RNF115: variants seen among roughly 807,000 people sequenced by gnomAD.
RNF115 encodes E3 ubiquitin-protein ligase RNF115.
A neutral mutation model predicts 39.2 loss-of-function variants in RNF115; 31 were observed. That is an observed-to-expected ratio of 0.79 (90% confidence interval 0.59 to 1.07). The LOEUF (loss-of-function observed/expected upper bound fraction) is 1.07, where lower values mean the gene tolerates loss of function less well. Ranked by LOEUF, RNF115 falls within the 50% of genes least tolerant of loss-of-function variation. RNF115 has a pLI of 0.00. For synonymous variants in RNF115, 124 were observed against 131.0 expected, an observed-to-expected ratio of 0.95 and a Z score of 0.37; for missense variants, 384 against 381.7, an observed-to-expected ratio of 1.01 and a Z score of -0.05.
At chr1:145,789,304 T>C (rs1571755901) in intron 1 of RNF115, among the ~76,000 whole-genome samples, 2 of 152,182 alleles carry the variant, frequency 1.3e-5, no homozygotes, top group East Asian at 3.8e-4. Flanking sequence ...TCTTGCTATG[T>C]TGCCCAAGCT....
chr1:145,788,304 G>A (rs1331521745), intron 2 of RNF115, among the ~76,000 whole-genome samples: 2 of 152,078 alleles, frequency 1.3e-5, no homozygotes, highest in Non-Finnish European at 2.9e-5. Context: ...CTGGTCTTGA[G>A]CTCCTGACCT....
intron 1 of RNF115, among the ~76,000 whole-genome samples, chr1:145,799,634 T>G: frequency 1.3e-5 from 2 of 151,276 alleles, no homozygotes; most frequent in South Asian, 2.1e-4. Flanking sequence ...GTGGGAAGGG[T>G]CTTGCTCTGT....
At chr1:145,751,176 A>T (rs1658072982) in intron 6 of RNF115, among the ~76,000 whole-genome samples, 1 of 152,242 alleles carries the variant, frequency 6.6e-6, no homozygotes, top group Non-Finnish European at 1.5e-5. Context: ...AGACAAAAAT[A>T]CAAAATACTA....
At chr1:145,756,066 A>G (rs957561925) in intron 4 of RNF115, among the ~76,000 whole-genome samples, 1 of 152,194 alleles carries the variant, frequency 6.6e-6, no homozygotes, top group Non-Finnish European at 1.5e-5. Context: ...AGTAAATGAC[A>G]CTAAAATTAA....
At chr1:145,766,502 C>T (rs1354513974) in intron 4 of RNF115, among the ~76,000 whole-genome samples, 3 of 151,932 alleles carry the variant, frequency 2.0e-5, no homozygotes, top group Non-Finnish European at 2.9e-5. Context: ...TCCCAATGAG[C>T]TGTTGAGTAC....
chr1:145,781,580 G>C (rs138540135), intron 3 of RNF115, among the ~76,000 whole-genome samples: 292 of 152,190 alleles, frequency 1.9e-3, no homozygotes, highest in Non-Finnish European at 2.9e-3. Context: ...CTAGATGGTA[G>C]GCACATTGCG....
intron 7 of RNF115, 90 bp from the exon 8 acceptor site, chr1:145,748,200 A>G (rs1553712038): frequency 1.2e-5 from 10 of 844,636 alleles, no homozygotes; most frequent in Non-Finnish European, 2.0e-5. Context: ...CTACGAATGC[A>G]TAAAGAAAAG....
chr1:145,799,309 G>T (rs1243141133), intron 1 of RNF115, among the ~76,000 whole-genome samples: 1 of 151,988 alleles, frequency 6.6e-6, no homozygotes, highest in South Asian at 2.1e-4. Context: ...CTCGTGATCC[G>T]CCTGCCTCGG....
intron 4 of RNF115, among the ~76,000 whole-genome samples, chr1:145,753,793 T>G (rs1342530146): frequency 2.0e-5 from 3 of 152,192 alleles, no homozygotes; most frequent in Admixed American, 6.5e-5. Context: ...CTCGGCTCAC[T>G]GCAACCTCTG....
In RNF115 at chr1:145,763,694, C is replaced by T. The variant is rs188342938; in HGVS notation, c.428+8017G>A. Among the ~76,000 whole-genome samples the T allele has an allele frequency of 2.3e-3, 352 of 151,934 alleles. 2 individuals carry two copies. Among genetic ancestry groups the T allele is most frequent in the African/African-American group, 8.1e-3 (337 of 41,418 alleles). The stretch of plus-strand genomic sequence containing the variant: ...AGCCTGGGTGACAGAGTGAGACTCC[C>T]TCTCAAAAAAACAAAACAAAACAAA... On this transcript the variant is annotated intron_variant, in intron 4 of 8. Transcript: ENST00000582693.
chr1:145,771,085 T>C (rs189718064), intron 4 of RNF115, among the ~76,000 whole-genome samples: 164 of 152,338 alleles, frequency 1.1e-3, no homozygotes, highest in Non-Finnish European at 1.7e-3. Flanking sequence ...ATAAATATAC[T>C]GCTATAGTTT....
chr1:145,758,775 G>T (rs980814128), intron 4 of RNF115, among the ~76,000 whole-genome samples: 1 of 152,196 alleles, frequency 6.6e-6, no homozygotes, highest in Admixed American at 6.5e-5. Context: ...CTCTCTGGAA[G>T]TCAGATGTTA....
At chr1:145,758,925 A>G (rs1486232038) in intron 4 of RNF115, among the ~76,000 whole-genome samples, 1 of 152,216 alleles carries the variant, frequency 6.6e-6, no homozygotes, top group Non-Finnish European at 1.5e-5. Context: ...TGTTAAAGCT[A>G]AATGTCTGGG....
In RNF115 at chr1:145,746,514, GT is replaced by G. The variant is rs1291730379; in HGVS notation, c.*351del. 1 of 177,620 alleles carries G rather than the reference GT, an allele frequency of 5.6e-6. No individual in the cohort carries two copies. Among genetic ancestry groups the G allele is most frequent in the Non-Finnish European group, 1.2e-5 (1 of 84,456 alleles). The allele number at this position is 177,620 out of a possible 1,614,324, so 11.0% of individuals were successfully genotyped here. On this transcript the variant is annotated 3_prime_UTR_variant, in exon 9 of 9. Transcript: ENST00000582693. ...AAAATACACTAATGGTGGGGTAGAGGTTGGAGAAGGAGGTGGAAACATCCGT... is the reference window on the plus strand; with the variant it reads ...AAAATACACTAATGGTGGGGTAGAGGTGGAGAAGGAGGTGGAAACATCCGT...
intron 3 of RNF115, among the ~76,000 whole-genome samples, chr1:145,782,420 G>A (rs1559118435): frequency 2.0e-5 from 3 of 152,012 alleles, no homozygotes; most frequent in Admixed American, 6.6e-5. Context: ...TCAGAAGTTC[G>A]AGTCCAGCCT....
At chr1:145,793,658 A>T (rs919931616) in intron 1 of RNF115, among the ~76,000 whole-genome samples, 1 of 151,858 alleles carries the variant, frequency 6.6e-6, no homozygotes, top group Non-Finnish European at 1.5e-5. Context: ...GAGAGGTGGC[A>T]TATCAGTTTG....
At chr1:145,748,726 A>G (rs1184853224) in intron 7 of RNF115, among the ~76,000 whole-genome samples, 5 of 152,010 alleles carry the variant, frequency 3.3e-5, no homozygotes, top group Admixed American at 2.6e-4. Flanking sequence ...CTCTACTAAA[A>G]ATACAAAGAT....
intron 1 of RNF115, among the ~76,000 whole-genome samples, chr1:145,821,102 T>G (rs1171775593): frequency 1.9e-5 from 2 of 102,808 alleles, no homozygotes; most frequent in African/African-American, 3.2e-5. Context: ...GCACATATCC[T>G]CATTCCCTTT....
At chr1:145,791,845 A>T (rs1348644549) in intron 1 of RNF115, among the ~76,000 whole-genome samples, 2 of 151,486 alleles carry the variant, frequency 1.3e-5, no homozygotes, top group Admixed American at 1.3e-4. Flanking sequence ...TGAGAAACAC[A>T]TTTTTTTTTA....
Sources: allele counts gnomAD v4.1 joint callset (sites outside exome capture counted in the v4.1 genomes callset), GRCh38; gene constraint gnomAD v4.1.1; transcripts MANE v1.5; gene names NCBI Gene and HGNC (gene_info 2026-07-23, HGNC 2026-07-21).